TBC1D9: variants seen among roughly 807,000 people sequenced by gnomAD.
TBC1D9 encodes the protein TBC1 domain family member 9A.
In TBC1D9, 63 loss-of-function variants were observed where a neutral mutation model predicts 132.0. The observed-to-expected ratio is 0.48, with a 90% CI of 0.39 to 0.59. The LOEUF is 0.59. Ranked by LOEUF, TBC1D9 falls within the 20% of genes least tolerant of loss-of-function variation. The probability of loss-of-function intolerance (pLI) is 0.00; values close to 1 mark genes in which losing one functional copy is unlikely to be tolerated. For missense variants in TBC1D9, 1,261 were observed against 1,592.7 expected (o/e 0.79, Z 3.54); for synonymous variants, 610 against 609.9 (o/e 1.00, Z 0.00).
In TBC1D9 at chr4:140,624,162, T is replaced by C. The variant is rs1368279290; in HGVS notation, c.3032A>G (p.Asn1011Ser). Residue 1011 changes from asparagine (N) to serine (S), a missense_variant, in exon 20 of 21, where the codon AAT (asparagine) becomes AGT (serine). Asn to Ser is a conservative substitution (Grantham distance 46, BLOSUM62 1). Around this residue, in one of 3 missense-constraint regions of TBC1D9, gnomAD observed 618 missense variants for 724.4 expected, o/e 0.85. Coordinates refer to ENST00000442267, the MANE Select transcript of TBC1D9 (RefSeq NM_015130.3). ...RNYLRLWTPE[N>S]KSKSKNAKDL... ...CTTTGCATTCTTTGACTTAGATTTA[T>C]TTTCTGGAGTCCACAGTCTCAAATA... 6.2e-7 allele frequency: 1 copy of C among 1,611,880 alleles called. No homozygotes were observed. The highest frequency in any genetic ancestry group is 1.1e-5 in the South Asian group (1 of 90,544).
At chr4:140,686,556 AG>A (rs2111024996) in intron 2 of TBC1D9, 94 bp from the exon 3 acceptor site, 2 of 769,970 alleles carry the variant, frequency 2.6e-6, no homozygotes, top group East Asian at 5.1e-5. Context: ...ATACCATCAA[AG>A]GAGACTATCG....
intron 13 of TBC1D9, among the ~76,000 whole-genome samples, chr4:140,641,644 G>C (rs35060427): frequency 6.6e-6 from 1 of 151,522 alleles, no homozygotes; most frequent in African/African-American, 2.4e-5. Context: ...CTCGGGGTAG[G>C]GGGAGGAGGG....
At chr4:140,654,479 G>A (rs1262538681) in intron 13 of TBC1D9, among the ~76,000 whole-genome samples, 2 of 134,114 alleles carry the variant, frequency 1.5e-5, no homozygotes, top group South Asian at 2.6e-4. Flanking sequence ...AGGGGTGGGG[G>A]GGGGTACTAC....
intron 15 of TBC1D9, among the ~76,000 whole-genome samples, chr4:140,636,834 T>C (rs1169532227): frequency 3.3e-5 from 5 of 152,234 alleles, no homozygotes; most frequent in African/African-American, 9.6e-5. Context: ...TGAAGTTTTA[T>C]ATTGGATTCT....
Position 140,620,832 on chromosome 4 carries a change from A to C in TBC1D9, c.*1363T>G, listed in dbSNP as rs1436392986. 1 of 152,668 alleles carries C rather than the reference A, an allele frequency of 6.6e-6. No individual in the cohort carries two copies. The highest frequency in any genetic ancestry group is 1.5e-5 in the Non-Finnish European group (1 of 68,048). The allele number at this position is 152,668 out of a possible 1,614,324, so 9.5% of individuals were successfully genotyped here. On this transcript the variant is annotated 3_prime_UTR_variant, in exon 21 of 21. Coordinates refer to ENST00000442267, the MANE Select transcript of TBC1D9 (RefSeq NM_015130.3). ...GTTCACATTTAGCCTATTTGAGGTT[A>C]ACACTACTTCATTTGACAGTTTAAA...
intron 9 of TBC1D9, among the ~76,000 whole-genome samples, chr4:140,667,770 A>G (rs945647435): frequency 6.6e-6 from 1 of 152,200 alleles, no homozygotes; most frequent in Non-Finnish European, 1.5e-5. Context: ...GAAAAATAAG[A>G]CATGTATTAA....
chr4:140,686,545 T>C, intron 2 of TBC1D9, 83 bp from the exon 3 acceptor site: 2 of 868,356 alleles, frequency 2.3e-6, no homozygotes, highest in Non-Finnish European at 3.7e-6. Context: ...CATTATAGTC[T>C]ATACCATCAA....
At chr4:140,660,493 G>A (rs1382047864) in intron 10 of TBC1D9, among the ~76,000 whole-genome samples, 1 of 152,180 alleles carries the variant, frequency 6.6e-6, no homozygotes. Flanking sequence ...GCTCTTTCTT[G>A]TAAGTCTTAC....
intron 18 of TBC1D9, among the ~76,000 whole-genome samples, chr4:140,625,936 C>A (rs1178103795): frequency 6.6e-6 from 1 of 152,076 alleles, no homozygotes; most frequent in Non-Finnish European, 1.5e-5. Flanking sequence ...TTATTTTACC[C>A]GTACCTGAAA....
At position 140,639,401 on chromosome 4, in the gene TBC1D9, T is replaced by C; in HGVS notation, c.2365A>G (p.Ile789Val). ...EKFGTIRADL[I>V]EQMRFKQRLK... ...CTCTGTTTGAATCTCATCTGTTCAA[T>C]CAAATCTGCCCGGATAGTTCCGAAT... The change falls in exon 14 of 21, where the codon ATT (isoleucine) becomes GTT (valine). Residue 789 changes from isoleucine to valine, a missense_variant. Physicochemically the swap from Ile to Val is conservative, Grantham distance 29 (BLOSUM62 3). Transcript: ENST00000442267. The C allele has an allele frequency of 1.2e-6, 2 of 1,612,696 alleles. No homozygotes were observed. The highest frequency in any genetic ancestry group is 1.7e-6 in the Non-Finnish European group (2 of 1,179,378).
At chr4:140,705,722 C>G (rs1300081017) in intron 1 of TBC1D9, among the ~76,000 whole-genome samples, 1 of 152,122 alleles carries the variant, frequency 6.6e-6, no homozygotes, top group African/African-American at 2.4e-5. Flanking sequence ...GCAACAATTA[C>G]GATTTTCTTA....
intron 2 of TBC1D9, among the ~76,000 whole-genome samples, chr4:140,699,393 G>A (rs1443781852): frequency 6.6e-6 from 1 of 152,072 alleles, no homozygotes; most frequent in Non-Finnish European, 1.5e-5. Flanking sequence ...CTTTACAGTG[G>A]ACAAACCTAA....
chr4:140,687,341 GTCA>G lies in TBC1D9; in HGVS notation c.242-882_242-880del, dbSNP rs1309512227. Among the ~76,000 whole-genome samples the G allele has an allele frequency of 1.4e-4, 13 of 91,052 alleles. 1 individual carries two copies. Among genetic ancestry groups the G allele is most frequent in the South Asian group, 4.5e-4 (1 of 2,220 alleles). The allele number at this position is 91,052 out of a possible 152,430, so 59.7% of individuals were successfully genotyped here. ...TATATATGTGTGTGTGTGTGTGTGT[GTCA>G]TATATATATATATATATATATATAT... On this transcript the variant is annotated intron_variant, in intron 2 of 20. Transcript: ENST00000442267.
intron 1 of TBC1D9, among the ~76,000 whole-genome samples, chr4:140,727,325 TC>T (rs1460103676): frequency 6.6e-6 from 1 of 152,172 alleles, no homozygotes; most frequent in African/African-American, 2.4e-5. Context: ...CCTGGCTCTC[TC>T]CTGGCTCCTG....
intron 20 of TBC1D9, 103 bp downstream of exon 20, chr4:140,624,013 T>A: frequency 1.1e-6 from 1 of 909,664 alleles, no homozygotes; most frequent in Non-Finnish European, 1.6e-6. Context: ...GCCCCAGTTA[T>A]TATTTTTGAT....
intron 13 of TBC1D9, among the ~76,000 whole-genome samples, chr4:140,647,941 C>T (rs1466125249): frequency 3.3e-5 from 5 of 152,184 alleles, no homozygotes; most frequent in Non-Finnish European, 5.9e-5. Flanking sequence ...CTCCCTCCCC[C>T]GACTTTGGGA....
chr4:140,736,756 T>A (rs546094056), intron 1 of TBC1D9, among the ~76,000 whole-genome samples: 1 of 152,134 alleles, frequency 6.6e-6, no homozygotes, highest in Non-Finnish European at 1.5e-5. Flanking sequence ...GGGTTAGCCA[T>A]GCTATTCAAT....
At chr4:140,664,462 C>T (rs914900462) in intron 9 of TBC1D9, among the ~76,000 whole-genome samples, 2 of 152,160 alleles carry the variant, frequency 1.3e-5, no homozygotes, top group Non-Finnish European at 2.9e-5. Flanking sequence ...TCCCATCTGT[C>T]CTTTTTGCAA....
chr4:140,673,669 C>T (rs1578834787), intron 6 of TBC1D9, among the ~76,000 whole-genome samples: 1 of 152,168 alleles, frequency 6.6e-6, no homozygotes, highest in Admixed American at 6.5e-5. Context: ...TTTAAAGCTG[C>T]GCCTTCCAAC....
Sources: gnomAD v4.1 joint callset for allele counts (sites outside exome capture counted in the v4.1 genomes callset) on GRCh38, gnomAD v4.1.1 for gene constraint, gnomAD v4.1.1 regional missense constraint, MANE v1.5 for transcripts, NCBI Gene and HGNC (gene_info 2026-07-23, HGNC 2026-07-21) for gene names.